Variants in SLC67A2 observed in about 807,000 individuals in gnomAD.
The protein encoded by SLC67A2 is solute carrier family 67 member 2, also known as solute carrier family 67 member A2.
chr2:102,722,396 C>T, the SLC67A2 span, among the ~76,000 whole-genome samples: 3 of 152,210 alleles, frequency 2.0e-5, no homozygotes. Flanking sequence ...CATCACCTAC[C>T]ACTGTGCCAG....
At chr2:102,718,514 A>G in the SLC67A2 span, 2 of 1,613,914 alleles carry the variant, frequency 1.2e-6, no homozygotes, top group African/African-American at 1.3e-5. Flanking sequence ...CACAGCGCCC[A>G]GGCTGGGGGG....
the SLC67A2 span, among the ~76,000 whole-genome samples, chr2:102,723,149 G>C: frequency 1.3e-5 from 2 of 152,198 alleles, no homozygotes; most frequent in Non-Finnish European, 1.5e-5. Flanking sequence ...ATTTTTAAAA[G>C]ATAAGTGTTA....
At chr2:102,720,736 T>C in the SLC67A2 span, among the ~76,000 whole-genome samples, 11 of 152,332 alleles carry the variant, frequency 7.2e-5, no homozygotes, top group East Asian at 1.9e-3. Context: ...GTCTGTCAGA[T>C]TCCAGAGTTT....
chr2:102,732,031 T>A, the SLC67A2 span: 1 of 538,536 alleles, frequency 1.9e-6, no homozygotes, highest in Non-Finnish European at 3.6e-6. Context: ...TACCCTTTTA[T>A]ACACACAGCC....
chr2:102,723,051 G>A, the SLC67A2 span, among the ~76,000 whole-genome samples: 1 of 152,186 alleles, frequency 6.6e-6, no homozygotes, highest in African/African-American at 2.4e-5. Context: ...AACAAAAGGT[G>A]TTCAATGTCA....
chr2:102,726,471 T>C, the SLC67A2 span, among the ~76,000 whole-genome samples: 1 of 152,162 alleles, frequency 6.6e-6, no homozygotes, highest in Non-Finnish European at 1.5e-5. Flanking sequence ...GCCTGGCCCA[T>C]GCTAAATGTT....
the SLC67A2 span, chr2:102,736,576 C>T: frequency 6.2e-7 from 1 of 1,612,726 alleles, no homozygotes; most frequent in South Asian, 1.1e-5. Context: ...CCGGAAGCTC[C>T]AAGAACCGCC....
the SLC67A2 span, chr2:102,718,719 C>A: frequency 4.3e-6 from 7 of 1,613,890 alleles, no homozygotes; most frequent in Non-Finnish European, 5.9e-6. Flanking sequence ...AGGACAACTG[C>A]ACCCATGGTG....
the SLC67A2 span, among the ~76,000 whole-genome samples, chr2:102,727,754 G>T: frequency 1.3e-5 from 2 of 151,986 alleles, no homozygotes; most frequent in African/African-American, 4.8e-5. Flanking sequence ...TTACTCTCTG[G>T]AAAGATTTGT....
the SLC67A2 span, chr2:102,715,838 A>G: frequency 6.6e-6 from 1 of 152,196 alleles, no homozygotes; most frequent in Non-Finnish European, 1.5e-5. Context: ...AAACACCACA[A>G]ATGTCAATTG....
At chr2:102,718,729 G>A in the SLC67A2 span, 5 of 1,613,784 alleles carry the variant, frequency 3.1e-6, no homozygotes, top group East Asian at 1.1e-4. Context: ...CACCCATGGT[G>A]GGGGCCAAGG....
At chr2:102,726,686 A>G in the SLC67A2 span, among the ~76,000 whole-genome samples, 1 of 152,106 alleles carries the variant, frequency 6.6e-6, no homozygotes, top group East Asian at 1.9e-4. Flanking sequence ...GGGAAGCCTC[A>G]GAGACTTGCC....
At chr2:102,717,798 A>C in the SLC67A2 span, 2 of 152,624 alleles carry the variant, frequency 1.3e-5, no homozygotes, top group African/African-American at 4.8e-5. Flanking sequence ...TGCTTACAAA[A>C]CACCACGGAT....
At chr2:102,725,277 A>C in the SLC67A2 span, among the ~76,000 whole-genome samples, 1 of 152,180 alleles carries the variant, frequency 6.6e-6, no homozygotes. Flanking sequence ...TTCACAGACC[A>C]CTCAACACTG....
At chr2:102,732,065 G>C in the SLC67A2 span, 5 of 607,026 alleles carry the variant, frequency 8.2e-6, no homozygotes, top group Non-Finnish European at 9.5e-6. Flanking sequence ...GGCTCCATAA[G>C]TACCTGTTGC....
the SLC67A2 span, chr2:102,715,851 C>A: frequency 2.0e-5 from 3 of 152,144 alleles, no homozygotes; most frequent in Non-Finnish European, 4.4e-5. Flanking sequence ...GTCAATTGAG[C>A]AGATTTAATT....
chr2:102,718,744 G>GAGC, the SLC67A2 span: 1 of 1,613,874 alleles, frequency 6.2e-7, no homozygotes, highest in Non-Finnish European at 8.5e-7. Context: ...CCAAGGAGTA[G>GAGC]AGCAGCAGCA....
At chr2:102,727,040 C>T in the SLC67A2 span, 13 of 1,557,312 alleles carry the variant, frequency 8.3e-6, no homozygotes, top group East Asian at 2.3e-5. Context: ...TGCAAATGAC[C>T]AAAACAAAGT....
the SLC67A2 span, among the ~76,000 whole-genome samples, chr2:102,732,893 C>T: frequency 2.0e-5 from 3 of 152,180 alleles, no homozygotes; most frequent in African/African-American, 7.2e-5. Context: ...TGTTTTGCAG[C>T]TAAGTCATAG....
Sources: gnomAD v4.1 joint callset for allele counts (sites outside exome capture counted in the v4.1 genomes callset) on GRCh38, gnomAD v4.1.1 for gene constraint, MANE v1.5 for transcripts, NCBI Gene and HGNC (gene_info 2026-07-23, HGNC 2026-07-21) for gene names.